The following PUM1 variants were observed in gnomAD, a reference collection of about 807,000 sequenced individuals.
PUM1 encodes the protein pumilio homolog 1.
PUM1 carries 13 observed loss-of-function variants against 131.8 expected under a neutral mutation model. That is an observed-to-expected ratio of 0.10 (90% confidence interval 0.06 to 0.16). PUM1 has a LOEUF of 0.16. Ranked by LOEUF, PUM1 falls within the 10% of genes least tolerant of loss-of-function variation. The probability of loss-of-function intolerance (pLI) is 1.00; values close to 1 mark genes in which losing one functional copy is unlikely to be tolerated. For synonymous variants in PUM1, 509 were observed against 556.5 expected, an observed-to-expected ratio of 0.91 and a Z score of 1.20; for missense variants, 961 against 1,512.4, an observed-to-expected ratio of 0.64 and a Z score of 6.05.
intron 5 of PUM1, among the ~76,000 whole-genome samples, chr1:31,004,624 G>T (rs1010754456): frequency 6.6e-6 from 1 of 152,026 alleles, no homozygotes; most frequent in Non-Finnish European, 1.5e-5. Flanking sequence ...GTCTCTGCAG[G>T]GTCAAAACAC....
intron 5 of PUM1, among the ~76,000 whole-genome samples, chr1:30,996,978 A>G (rs188365437): frequency 1.3e-5 from 2 of 152,308 alleles, no homozygotes; most frequent in East Asian, 3.9e-4. Context: ...TAAAATAAGA[A>G]TGATCTTCCT....
At chr1:30,940,925 T>G (rs1175334355) in intron 20 of PUM1, among the ~76,000 whole-genome samples, 1 of 152,194 alleles carries the variant, frequency 6.6e-6, no homozygotes, top group Non-Finnish European at 1.5e-5. Context: ...TCACATTCTT[T>G]AGTAACATAT....
chr1:31,002,525 T>C (rs1451765242), intron 5 of PUM1, among the ~76,000 whole-genome samples: 7 of 152,094 alleles, frequency 4.6e-5, no homozygotes, highest in African/African-American at 1.7e-4. Context: ...CAGCTGGTAT[T>C]CCAGAGAGCA....
intron 14 of PUM1, among the ~76,000 whole-genome samples, chr1:30,955,649 T>A (rs567706929): frequency 8.1e-4 from 124 of 152,260 alleles, no homozygotes; most frequent in African/African-American, 2.9e-3. Context: ...AAAGTTTAGA[T>A]GAATAACAAT....
chr1:31,011,742 A>T (rs527471183), intron 3 of PUM1, among the ~76,000 whole-genome samples: 3 of 152,360 alleles, frequency 2.0e-5, no homozygotes, highest in African/African-American at 7.2e-5. Context: ...CAACCTATGA[A>T]AAGATAGTTC....
Position 30,992,449 on chromosome 1 carries a change from C to A in PUM1, c.1099G>T (p.Val367Leu), listed in dbSNP as rs539829813. 11 of 1,614,188 alleles carry A rather than the reference C, an allele frequency of 6.8e-6. No individual in the cohort carries two copies. In the South Asian group the frequency reaches 8.8e-5, roughly 13 times the overall value. Residue 367 changes from valine (V) to leucine (L), a missense_variant, in exon 7 of 22, where the codon GTA becomes TTA. Coordinates refer to ENST00000426105, the MANE Select transcript of PUM1 (RefSeq NM_001020658.2). ...GTTGCTGCTGCTGAGTCCACAGGTACCTGCGTGCCTGAATAATCAAACTGA... is the reference window on the plus strand; with the variant it reads ...GTTGCTGCTGCTGAGTCCACAGGTAACTGCGTGCCTGAATAATCAAACTGA... ...PLQFDYSGTQ[V>L]PVDSAAATVG...
intron 2 of PUM1, among the ~76,000 whole-genome samples, chr1:31,038,986 T>TATATATATATACA (rs1557599381): frequency 3.6e-5 from 1 of 27,464 alleles, no homozygotes; most frequent in Non-Finnish European, 5.4e-5. Flanking sequence ...ATATATATAT[T>TATATATATATACA]TTTTTTTTTT....
intron 3 of PUM1, among the ~76,000 whole-genome samples, chr1:31,021,996 A>T (rs182404298): frequency 2.6e-5 from 4 of 152,194 alleles, no homozygotes; most frequent in African/African-American, 9.6e-5. Context: ...TAAAAACTGT[A>T]ACATACATGA....
At chr1:31,056,792 A>T (rs1338264269) in intron 2 of PUM1, among the ~76,000 whole-genome samples, 2 of 151,040 alleles carry the variant, frequency 1.3e-5, no homozygotes, top group African/African-American at 4.9e-5. Flanking sequence ...ACGCCCAGCT[A>T]ATTTTTTACT....
Position 30,966,024 on chromosome 1 carries a change from C to G in PUM1, c.2044G>C (p.Gly682Arg), listed in dbSNP as rs1164159514. 6.2e-7 allele frequency: 1 copy of G among 1,614,130 alleles called. No individual in the cohort carries two copies. The highest frequency in any genetic ancestry group is 8.5e-7 in the Non-Finnish European group (1 of 1,180,004). Reference protein sequence around the residue: ...SLGFGSSSSLGATLGSALGGF... With the variant: ...SLGFGSSSSLRATLGSALGGF... ...CCAAGGGCGGATCCCAGGGTGGCGC[C>G]GAGAGAACTGCTACTTCCGAATCCC... is the stretch of plus-strand genomic sequence containing the variant. Residue 682 changes from glycine (G) to arginine (R), a missense_variant, in exon 13 of 22, where the codon GGC (glycine) becomes CGC (arginine). This residue lies in a region of PUM1 where 654 missense variants were observed against 923.9 expected (regional missense o/e 0.71). Transcript: ENST00000426105.
intron 2 of PUM1, among the ~76,000 whole-genome samples, chr1:31,038,815 G>T (rs1643700551): frequency 6.6e-6 from 1 of 151,398 alleles, no homozygotes; most frequent in African/African-American, 2.4e-5. Context: ...AGCAAATCAT[G>T]AGAAATATGG....
intron 5 of PUM1, among the ~76,000 whole-genome samples, chr1:30,997,365 G>A (rs1002234515): frequency 3.3e-5 from 5 of 151,992 alleles, no homozygotes; most frequent in African/African-American, 1.2e-4. Flanking sequence ...ACAAAAATTA[G>A]GCAGCACCTG....
chr1:30,938,543 G>A (rs947478519), intron 20 of PUM1, among the ~76,000 whole-genome samples: 72 of 152,012 alleles, frequency 4.7e-4, no homozygotes, highest in African/African-American at 6.5e-4. Context: ...ATGAGCTACC[G>A]TCTCCAGCCC....
intron 2 of PUM1, among the ~76,000 whole-genome samples, chr1:31,057,866 G>A (rs1033821339): frequency 1.3e-5 from 2 of 151,578 alleles, no homozygotes; most frequent in African/African-American, 4.8e-5. Context: ...AATGAAAAAT[G>A]TCAGTTCTCG....
chr1:31,030,182 C>T, intron 2 of PUM1, among the ~76,000 whole-genome samples: 1 of 151,854 alleles, frequency 6.6e-6, no homozygotes, highest in Non-Finnish European at 1.5e-5. Context: ...GCACTCCAGC[C>T]TGGGTGACAG....
chr1:31,022,077 G>GA (rs57578146), intron 3 of PUM1, among the ~76,000 whole-genome samples: 240 of 139,838 alleles, frequency 1.7e-3, no homozygotes, highest in Admixed American at 3.9e-3. Flanking sequence ...TCCGAGCCTA[G>GA]AAAAAAAAAA....
chr1:30,932,625 TGAAA>T lies in PUM1; in HGVS notation c.*582_*585del, dbSNP rs960675886. The T allele has an allele frequency of 7.2e-6, 1 of 139,418 alleles. No individual in the cohort carries two copies. Among genetic ancestry groups the T allele is most frequent in the African/African-American group, 2.7e-5 (1 of 37,176 alleles). The allele number at this position is 139,418 out of a possible 1,614,324, so 8.6% of individuals were successfully genotyped here. A position where few individuals can be genotyped will look rare whatever the true frequency, so the allele number is the denominator to read the frequency against. On this transcript the variant is annotated 3_prime_UTR_variant, in exon 22 of 22. Transcript: ENST00000426105. ...TCACAAACTGAAGCTTTAGCAACTC[TGAAA>T]CCTTTTTCATTATATATATATATAT... is the stretch of plus-strand genomic sequence containing the variant.
intron 2 of PUM1, among the ~76,000 whole-genome samples, chr1:31,036,481 C>T (rs984336287): frequency 8.5e-5 from 13 of 152,224 alleles, no homozygotes; most frequent in African/African-American, 3.1e-4. Context: ...GAGGCCAAGG[C>T]AGGAGGATCA....
chr1:31,050,457 G>A (rs556171817), intron 2 of PUM1, among the ~76,000 whole-genome samples: 277 of 149,734 alleles, frequency 1.8e-3, no homozygotes, highest in Non-Finnish European at 2.1e-3. Flanking sequence ...GGGTGACAAA[G>A]TGAGACTCTG....
Sources: gnomAD v4.1 joint callset for allele counts (sites outside exome capture counted in the v4.1 genomes callset) on GRCh38, gnomAD v4.1.1 for gene constraint, gnomAD v4.1.1 regional missense constraint, MANE v1.5 for transcripts, NCBI Gene and HGNC (gene_info 2026-07-23, HGNC 2026-07-21) for gene names.